Variants in CDH6 observed in about 807,000 individuals in gnomAD.
CDH6 encodes the protein cadherin 6.
CDH6 carries 31 observed loss-of-function variants against 78.0 expected under a neutral mutation model. The observed-to-expected ratio is 0.40, with a 90% CI of 0.30 to 0.54. The LOEUF (loss-of-function observed/expected upper bound fraction) is 0.54, where lower values mean the gene tolerates loss of function less well. CDH6 is among the 20% of genes least tolerant of loss of function. The pLI is 0.56. For missense variants in CDH6, 724 were observed against 975.9 expected, an observed-to-expected ratio of 0.74 and a Z score of 3.44; for synonymous variants, 376 against 368.8, an observed-to-expected ratio of 1.02 and a Z score of -0.23.
At chr5:31,202,593 G>A (rs994128014) in intron 1 of CDH6, among the ~76,000 whole-genome samples, 1 of 151,752 alleles carries the variant, frequency 6.6e-6, no homozygotes, top group Non-Finnish European at 1.5e-5. Context: ...CCCAGATCAC[G>A]CCATTCTACT....
intron 1 of CDH6, among the ~76,000 whole-genome samples, chr5:31,266,221 G>A (rs752899814): frequency 8.9e-4 from 136 of 152,176 alleles, no homozygotes; most frequent in Non-Finnish European, 1.1e-3. Context: ...TGGGACATCT[G>A]TACCAAGCAA....
chr5:31,259,430 A>C (rs1263278685), intron 1 of CDH6, among the ~76,000 whole-genome samples: 1 of 152,156 alleles, frequency 6.6e-6, no homozygotes, highest in Non-Finnish European at 1.5e-5. Context: ...CTGCCCTTTC[A>C]CTGAGCTGTT....
intron 1 of CDH6, among the ~76,000 whole-genome samples, chr5:31,255,062 C>T (rs116445330): frequency 0.019 from 2,946 of 152,172 alleles, 38 homozygotes; most frequent in Non-Finnish European, 0.031. Context: ...GCCACATTAC[C>T]GACCTATTAA....
At chr5:31,286,780 G>C (rs897626739) in intron 2 of CDH6, among the ~76,000 whole-genome samples, 1 of 152,148 alleles carries the variant, frequency 6.6e-6, no homozygotes, top group South Asian at 2.1e-4. Context: ...GTGTGTGTTT[G>C]GAGGGCCTCC....
At position 31,293,889 on chromosome 5, in the gene CDH6, A is replaced by G. The variant is rs550689333; in HGVS notation, c.229-73A>G. ...TTTAATAAAAGTTAATGTAGCATGC[A>G]CCAAAAAGACAAAAACAGTTTAGAA... On this transcript the variant is annotated intron_variant, in intron 2 of 11. Coordinates refer to ENST00000265071, the MANE Select transcript of CDH6 (RefSeq NM_004932.4). 4.8e-6 allele frequency: 5 copies of G among 1,034,696 alleles called. No homozygotes were observed. The Admixed American group carries it at 1.2e-4, about 26-fold the overall frequency. 64.1% of individuals were successfully genotyped at this position (1,034,696 alleles called of 1,614,324 possible).
intron 1 of CDH6, among the ~76,000 whole-genome samples, chr5:31,260,864 T>C (rs1410417156): frequency 3.9e-5 from 6 of 152,142 alleles, no homozygotes; most frequent in African/African-American, 1.4e-4. Context: ...AAAGATGAAA[T>C]GGAGGTTTAG....
intron 1 of CDH6, among the ~76,000 whole-genome samples, chr5:31,252,335 G>C (rs1741933311): frequency 6.6e-6 from 1 of 151,778 alleles, no homozygotes; most frequent in South Asian, 2.1e-4. Flanking sequence ...TGTGGTGTGT[G>C]TGTGTGTGTG....
chr5:31,319,332 T>C (rs2149960947), intron 11 of CDH6, among the ~76,000 whole-genome samples: 1 of 152,322 alleles, frequency 6.6e-6, no homozygotes, highest in East Asian at 1.9e-4. Context: ...CCACATCTTG[T>C]TTAATCTCTT....
At chr5:31,311,820 G>A (rs1306855326) in intron 7 of CDH6, among the ~76,000 whole-genome samples, 4 of 152,122 alleles carry the variant, frequency 2.6e-5, no homozygotes, top group Non-Finnish European at 5.9e-5. Context: ...CTCCCATCAC[G>A]CCCCTCCTTT....
At chr5:31,224,591 C>A (rs754796209) in intron 1 of CDH6, among the ~76,000 whole-genome samples, 6 of 152,174 alleles carry the variant, frequency 3.9e-5, no homozygotes, top group Non-Finnish European at 8.8e-5. Context: ...CTCACTCTGT[C>A]ATCCAGGCTG....
In CDH6 at chr5:31,275,116, T is replaced by C. The variant is rs530349764; in HGVS notation, c.228+7415T>C. 1.0e-3 allele frequency among the ~76,000 whole-genome samples: 153 copies of C among 152,362 alleles called. 1 individual carries two copies. The highest frequency in any genetic ancestry group is 3.4e-3 in the African/African-American group (143 of 41,584). ...CATTTTTTTGTCATAATATGGTCTG[T>C]AGTAGCAGATAAGAATATAAATAAG... On this transcript the variant is annotated intron_variant, in intron 2 of 11. Coordinates refer to ENST00000265071, the MANE Select transcript of CDH6 (RefSeq NM_004932.4).
chr5:31,201,559 A>G (rs1271180441), intron 1 of CDH6, among the ~76,000 whole-genome samples: 2 of 152,226 alleles, frequency 1.3e-5, no homozygotes, highest in Admixed American at 6.5e-5. Flanking sequence ...CAATTCTTTC[A>G]TGGAAATATG....
At chr5:31,212,099 T>C (rs757908062) in intron 1 of CDH6, among the ~76,000 whole-genome samples, 4 of 152,242 alleles carry the variant, frequency 2.6e-5, no homozygotes. Flanking sequence ...AAAGATGCCC[T>C]GTTGGACATT....
At chr5:31,196,961 C>T (rs147787382) in intron 1 of CDH6, among the ~76,000 whole-genome samples, 58 of 152,040 alleles carry the variant, frequency 3.8e-4, no homozygotes, top group African/African-American at 1.3e-3. Context: ...CGCCGCCCCC[C>T]GCCCCCCAAC....
intron 1 of CDH6, among the ~76,000 whole-genome samples, chr5:31,194,766 C>A (rs906288875): frequency 2.0e-5 from 3 of 152,070 alleles, no homozygotes; most frequent in Non-Finnish European, 4.4e-5. Flanking sequence ...GCCCCCAATG[C>A]GTTAATCCCA....
chr5:31,229,460 G>A (rs1450912288), intron 1 of CDH6, among the ~76,000 whole-genome samples: 1 of 152,224 alleles, frequency 6.6e-6, no homozygotes, highest in Non-Finnish European at 1.5e-5. Flanking sequence ...TCTCTCTGGA[G>A]CTGTTAGGCA....
intron 2 of CDH6, among the ~76,000 whole-genome samples, chr5:31,292,815 A>G (rs75710790): frequency 4.5e-4 from 34 of 75,612 alleles, no homozygotes; most frequent in Non-Finnish European, 9.6e-4. Flanking sequence ...ATATATATAT[A>G]TGTGTGCATA....
intron 1 of CDH6, among the ~76,000 whole-genome samples, chr5:31,229,665 T>A (rs898871394): frequency 6.6e-6 from 1 of 152,196 alleles, no homozygotes; most frequent in Non-Finnish European, 1.5e-5. Context: ...CACCTAAGGA[T>A]TTTTTAGTGA....
intron 1 of CDH6, among the ~76,000 whole-genome samples, chr5:31,242,409 C>T (rs1299822830): frequency 6.6e-6 from 1 of 152,174 alleles, no homozygotes; most frequent in Non-Finnish European, 1.5e-5. Context: ...GAGTTCTCAA[C>T]AGGCCAATCC....
Sources: allele counts gnomAD v4.1 joint callset (sites outside exome capture counted in the v4.1 genomes callset), GRCh38; gene constraint gnomAD v4.1.1; transcripts MANE v1.5; gene names NCBI Gene and HGNC (gene_info 2026-07-23, HGNC 2026-07-21).